The following RGS6 variants were observed in gnomAD, a reference collection of about 807,000 sequenced individuals.
The protein encoded by RGS6 is regulator of G protein signaling 6.
Under a neutral mutation model 78.5 loss-of-function variants are expected in RGS6, and 30 were observed. That is an observed-to-expected ratio of 0.38 (90% CI 0.29 to 0.52). RGS6 has a LOEUF of 0.52. Among genes scored for constraint, RGS6 ranks in the 20% least tolerant of loss-of-function variants. RGS6 has a pLI of 0.85. For missense variants in RGS6, 495 were observed against 609.7 expected (o/e 0.81, Z 1.98); for synonymous variants, 206 against 206.0 (o/e 1.00, Z 0.00).
chr14:72,347,764 G>A (rs559063901), intron 2 of RGS6, among the ~76,000 whole-genome samples: 3 of 152,278 alleles, frequency 2.0e-5, no homozygotes, highest in East Asian at 1.9e-4. Flanking sequence ...GTGTATATAT[G>A]CCTCTGTTCT....
At chr14:72,415,385 G>C (rs950768051) in intron 3 of RGS6, among the ~76,000 whole-genome samples, 1 of 152,240 alleles carries the variant, frequency 6.6e-6, no homozygotes, top group African/African-American at 2.4e-5. Context: ...TAAGCCCGTT[G>C]GAAAAGGGCA....
chr14:72,093,297 A>G (rs546852601), intron 2 of RGS6, among the ~76,000 whole-genome samples: 1 of 152,324 alleles, frequency 6.6e-6, no homozygotes, highest in South Asian at 2.1e-4. Context: ...GCTGGAATGC[A>G]GTGGTGTGAT....
At chr14:72,390,907 G>A (rs1403440472) in intron 3 of RGS6, among the ~76,000 whole-genome samples, 2 of 152,112 alleles carry the variant, frequency 1.3e-5, no homozygotes, top group African/African-American at 2.4e-5. Flanking sequence ...CCTGACTCTC[G>A]TAAGTTTCTG....
In RGS6 at chr14:72,218,299, A is replaced by G. The variant is rs116820922; in HGVS notation, c.85-133796A>G. Among the ~76,000 whole-genome samples, 1,376 of 152,270 alleles carry G rather than the reference A, an allele frequency of 9.0e-3. 23 individuals carry two copies. The highest frequency in any genetic ancestry group is 0.032 in the African/African-American group (1,324 of 41,534). ...TTGAGGTAAATTACAGTTGATTATC[A>G]TGATTCCACTTAGTTATGTCCTATA... is the stretch of plus-strand genomic sequence containing the variant. On this transcript the variant is annotated intron_variant, in intron 2 of 17. Coordinates refer to ENST00000553525, the MANE Select transcript of RGS6 (RefSeq NM_001204424.2).
chr14:72,550,392 A>T, intron 17 of RGS6: 1 of 1,344,838 alleles, frequency 7.4e-7, no homozygotes, highest in Non-Finnish European at 1.0e-6. Context: ...ATTCCACACC[A>T]TGCCCCTGGC....
intron 2 of RGS6, among the ~76,000 whole-genome samples, chr14:72,156,708 C>A (rs2096777783): frequency 8.1e-6 from 1 of 123,226 alleles, no homozygotes; most frequent in East Asian, 3.7e-4. Context: ...CAGCAGGAAA[C>A]AATCAAGTAA....
chr14:71,909,544 CAG>C, the RGS6 span, among the ~76,000 whole-genome samples: 4 of 125,470 alleles, frequency 3.2e-5, no homozygotes, highest in Non-Finnish European at 6.6e-5. Flanking sequence ...GAGGGAGAGA[CAG>C]AGAGGGAGAG....
At chr14:72,628,973 T>C in the RGS6 span, among the ~76,000 whole-genome samples, 5 of 152,304 alleles carry the variant, frequency 3.3e-5, no homozygotes, top group Non-Finnish European at 7.4e-5. Context: ...CAAAGACATA[T>C]CAACTAATTG....
In RGS6 at chr14:72,380,483, G is replaced by A. The variant is rs563808267; in HGVS notation, c.184+28289G>A. ...ATCTTGACAGCAAAAAAAAAAAACC[G>A]AACAATCCAATTTTAAAATGGGCAA... On this transcript the variant is annotated intron_variant, in intron 3 of 17. Transcript: ENST00000553525. Among the ~76,000 whole-genome samples the A allele has an allele frequency of 6.8e-5, 10 of 147,164 alleles. No individual in the cohort carries two copies. In the South Asian group the frequency reaches 1.3e-3, roughly 19 times the overall value.
the RGS6 span, among the ~76,000 whole-genome samples, chr14:71,899,601 C>A: frequency 6.6e-6 from 1 of 152,286 alleles, no homozygotes; most frequent in Non-Finnish European, 1.5e-5. Flanking sequence ...TAACCCAGGC[C>A]TAAACCAATC....
intron 2 of RGS6, among the ~76,000 whole-genome samples, chr14:72,078,095 G>A (rs1259830563): frequency 6.6e-6 from 1 of 152,156 alleles, no homozygotes; most frequent in East Asian, 1.9e-4. Context: ...GGCCTGGTGG[G>A]AGGTGATTAG....
At chr14:71,889,243 G>A in the RGS6 span, among the ~76,000 whole-genome samples, 8,287 of 152,170 alleles carry the variant, frequency 0.054, 342 homozygotes, top group Non-Finnish European at 0.084. Flanking sequence ...GAGGAAGGGC[G>A]TTCTGGGTTG....
chr14:72,382,302 TAGAAG>T (rs374738969), intron 3 of RGS6, among the ~76,000 whole-genome samples: 9 of 152,198 alleles, frequency 5.9e-5, no homozygotes, highest in East Asian at 1.9e-4. Context: ...AAACATTTCA[TAGAAG>T]AGAAAATATA....
At chr14:72,348,967 C>T (rs1415039007) in intron 2 of RGS6, among the ~76,000 whole-genome samples, 1 of 151,982 alleles carries the variant, frequency 6.6e-6, no homozygotes, top group Non-Finnish European at 1.5e-5. Context: ...GAGATCGAGA[C>T]CATCCTGGCT....
At chr14:72,377,466 A>G (rs1207898860) in intron 3 of RGS6, among the ~76,000 whole-genome samples, 1 of 152,190 alleles carries the variant, frequency 6.6e-6, no homozygotes, top group Non-Finnish European at 1.5e-5. Flanking sequence ...TTAACACCCC[A>G]CTCTCAGCCT....
chr14:72,205,789 A>C (rs1323308321), intron 2 of RGS6, among the ~76,000 whole-genome samples: 1 of 152,224 alleles, frequency 6.6e-6, no homozygotes, highest in Non-Finnish European at 1.5e-5. Flanking sequence ...AGTGTTTTCT[A>C]AAGTGTGTTC....
At chr14:72,587,542 A>G in the RGS6 span, among the ~76,000 whole-genome samples, 3 of 152,164 alleles carry the variant, frequency 2.0e-5, no homozygotes, top group Non-Finnish European at 4.4e-5. Context: ...AAATTCCTTT[A>G]TCCTTAAACT....
At chr14:71,975,944 G>A (rs780036204) in intron 2 of RGS6, among the ~76,000 whole-genome samples, 12 of 151,842 alleles carry the variant, frequency 7.9e-5, no homozygotes, top group South Asian at 2.1e-4. Context: ...ATTTTCTACC[G>A]ACTTATCCTC....
At chr14:72,278,307 AAC>A (rs1314534591) in intron 2 of RGS6, among the ~76,000 whole-genome samples, 2 of 152,228 alleles carry the variant, frequency 1.3e-5, no homozygotes, top group African/African-American at 4.8e-5. Context: ...GCAAAATAAA[AAC>A]ACTGATTTAC....
Sources: allele counts gnomAD v4.1 joint callset (sites outside exome capture counted in the v4.1 genomes callset), GRCh38; gene constraint gnomAD v4.1.1; transcripts MANE v1.5; gene names NCBI Gene and HGNC (gene_info 2026-07-23, HGNC 2026-07-21).